Variants in ZKSCAN2 observed in about 807,000 individuals in gnomAD.
The protein encoded by ZKSCAN2 is zinc finger with KRAB and SCAN domains 2, also known as zinc finger protein with KRAB and SCAN domains 2.
A neutral mutation model predicts 90.5 loss-of-function variants in ZKSCAN2; 38 were observed. That is an observed-to-expected ratio of 0.42 (90% confidence interval 0.32 to 0.55). ZKSCAN2 has a LOEUF of 0.55. ZKSCAN2 is among the 20% of genes least tolerant of loss of function. The pLI is 0.11. For synonymous variants in ZKSCAN2, 429 were observed against 421.6 expected (o/e 1.02, Z -0.22); for missense variants, 1,167 against 1,202.6 (o/e 0.97, Z 0.44).
rs1324244512 is a variant in ZKSCAN2 at position 25,240,174 on chromosome 16, T to C, written c.2546A>G (p.His849Arg). ...CFSQSSSLII[H>R]QRTHTGEKPY... ...CTTCTCACCGGTGTGCGTTCTCTGA[T>C]GTATAATAAGACTAGAGCTCTGACT... Residue 849 changes from histidine (H) to arginine (R), a missense_variant, in exon 7 of 7, where the codon CAT (histidine) becomes CGT (arginine). Transcript: ENST00000328086. 8 of 1,614,150 alleles carry C rather than the reference T, an allele frequency of 5.0e-6. No individual in the cohort carries two copies. Among genetic ancestry groups the C allele is most frequent in the Non-Finnish European group, 5.9e-6 (7 of 1,180,016 alleles).
chr16:25,250,306 C>CA (rs199752641), intron 4 of ZKSCAN2, among the ~76,000 whole-genome samples: 42 of 141,046 alleles, frequency 3.0e-4, no homozygotes, highest in Admixed American at 4.3e-4. Flanking sequence ...AACTCTGTCT[C>CA]AAAAAAAAAA....
intron 6 of ZKSCAN2, among the ~76,000 whole-genome samples, chr16:25,243,333 A>T (rs1962882019): frequency 6.6e-6 from 1 of 152,050 alleles, no homozygotes; most frequent in East Asian, 1.9e-4. Context: ...GAGAACAGGA[A>T]CTTTGTTTTT....
At position 25,247,147 on chromosome 16, in the gene ZKSCAN2, G is replaced by A. The variant is rs1962946219; in HGVS notation, c.1049C>T (p.Thr350Ile). 2.5e-6 allele frequency: 4 copies of A among 1,614,190 alleles called. No individual in the cohort carries two copies. Among genetic ancestry groups the A allele is most frequent in the Non-Finnish European group, 3.4e-6 (4 of 1,180,026 alleles). The change falls in exon 5 of 7, where the codon ACT (threonine) becomes ATT (isoleucine). Residue 350 changes from threonine to isoleucine, a missense_variant. Coordinates refer to ENST00000328086, the MANE Select transcript of ZKSCAN2 (RefSeq NM_001012981.5). ...AGACTCTTTGAGAATTGCCAGGAAAGTCTTTGTTTCCTCATAGCTCCAATG... is the reference window on the plus strand; with the variant it reads ...AGACTCTTTGAGAATTGCCAGGAAAATCTTTGTTTCCTCATAGCTCCAATG... ...GVHWSYEETK[T>I]FLAILKESRF... is the part of the protein sequence containing the mutation.
intron 2 of ZKSCAN2, among the ~76,000 whole-genome samples, chr16:25,253,746 G>A (rs994610141): frequency 2.0e-5 from 3 of 152,190 alleles, no homozygotes; most frequent in African/African-American, 4.8e-5. Flanking sequence ...GGTGGCTCAC[G>A]CCTGTAATCC....
At chr16:25,242,474 G>A (rs189422997) in intron 6 of ZKSCAN2, among the ~76,000 whole-genome samples, 25 of 152,270 alleles carry the variant, frequency 1.6e-4, no homozygotes, top group African/African-American at 5.8e-4. Flanking sequence ...CTAGTGTTAT[G>A]GGAAGACGGA....
Position 25,257,499 on chromosome 16 carries a change from T to C in ZKSCAN2, c.-372A>G, listed in dbSNP as rs2141374023. ...GACAGCCGGGCCGGGAGGGGGTGTG[T>C]CCGCTACTCCCGGGTCGGGCGCGGA... is the stretch of plus-strand genomic sequence containing the variant. On this transcript the variant is annotated 5_prime_UTR_variant, in exon 1 of 7. Coordinates refer to ENST00000328086, the MANE Select transcript of ZKSCAN2 (RefSeq NM_001012981.5). 1.0e-6 allele frequency: 1 copy of C among 998,736 alleles called. No homozygotes were observed. Among genetic ancestry groups the C allele is most frequent in the South Asian group, 4.6e-5 (1 of 21,660 alleles). The allele number at this position is 998,736 out of a possible 1,614,324, so 61.9% of individuals were successfully genotyped here. A position where few individuals can be genotyped will look rare whatever the true frequency, so the allele number is the denominator to read the frequency against.
At chr16:25,254,042 G>A (rs565328702) in intron 2 of ZKSCAN2, among the ~76,000 whole-genome samples, 15 of 152,124 alleles carry the variant, frequency 9.9e-5, no homozygotes, top group Non-Finnish European at 1.9e-4. Flanking sequence ...AAAGATGAGA[G>A]AATGGAAAGC....
chr16:25,248,825 A>T (rs1962976111), intron 4 of ZKSCAN2, among the ~76,000 whole-genome samples: 1 of 152,230 alleles, frequency 6.6e-6, no homozygotes, highest in Non-Finnish European at 1.5e-5. Context: ...TAAAATCAGT[A>T]GGCCAAAGAG....
In ZKSCAN2 at chr16:25,256,765, C is replaced by T; in HGVS notation, c.363G>A (p.Val121=). The stretch of plus-strand genomic sequence containing the variant: ...GTCTTCCAGTCTCTTTCTCCAAATG[C>T]ACTACCAGGGCCACCGCTTCCTCTC... ...QSGEEAVALV[V]HLEKETGRLR... is the part of the protein sequence containing the mutation. The change falls in exon 1 of 7, where the codon GTG becomes GTA. Residue 121 remains valine, a synonymous_variant. Transcript: ENST00000328086. 1 of 1,613,810 alleles carries T rather than the reference C, an allele frequency of 6.2e-7. No individual in the cohort carries two copies. The highest frequency in any genetic ancestry group is 1.1e-5 in the South Asian group (1 of 91,024).
At chr16:25,254,681 G>A (rs1045761596) in intron 2 of ZKSCAN2, among the ~76,000 whole-genome samples, 14 of 152,038 alleles carry the variant, frequency 9.2e-5, no homozygotes, top group Non-Finnish European at 2.1e-4. Context: ...CGCCTGCCTC[G>A]GCCTCCCAAA....
intron 5 of ZKSCAN2, 130 bp from the exon 6 acceptor site, chr16:25,244,406 T>A: frequency 1.1e-6 from 1 of 925,164 alleles, no homozygotes; most frequent in Non-Finnish European, 1.6e-6. Context: ...TACATATGCC[T>A]AGGAATAAGC....
intron 2 of ZKSCAN2, 73 bp downstream of exon 2, chr16:25,255,133 T>A: frequency 6.8e-7 from 1 of 1,479,758 alleles, no homozygotes; most frequent in Non-Finnish European, 9.0e-7. Context: ...CCACTGCACA[T>A]TCACAGCGTT....
chr16:25,239,792 G>A lies in ZKSCAN2; in HGVS notation c.*24C>T. 2 of 1,542,018 alleles carry A rather than the reference G, an allele frequency of 1.3e-6. No homozygotes were observed. The highest frequency in any genetic ancestry group is 1.7e-6 in the Non-Finnish European group (2 of 1,143,872). The stretch of plus-strand genomic sequence containing the variant: ...AGATTAGGGTAAAATGGCTAAGGGG[G>A]CATTTAGGAAGAGAAGATCATCATC... On this transcript the variant is annotated 3_prime_UTR_variant, in exon 7 of 7. Transcript: ENST00000328086.
Position 25,257,307 on chromosome 16 carries a change from G to A in ZKSCAN2, c.-180C>T. The stretch of plus-strand genomic sequence containing the variant: ...AAATCTATGCCAGGCCCTTGAAAAG[G>A]TGAACGTATACTCTAAGATGCAAAA... On this transcript the variant is annotated 5_prime_UTR_variant, in exon 1 of 7. Coordinates refer to ENST00000328086, the MANE Select transcript of ZKSCAN2 (RefSeq NM_001012981.5). 11 of 1,412,474 alleles carry A rather than the reference G, an allele frequency of 7.8e-6. No homozygotes were observed. Among genetic ancestry groups the A allele is most frequent in the East Asian group, 2.5e-5 (1 of 39,222 alleles). The allele number at this position is 1,412,474 out of a possible 1,614,324, so 87.5% of individuals were successfully genotyped here. A position where few individuals can be genotyped will look rare whatever the true frequency, so the allele number is the denominator to read the frequency against.
At chr16:25,253,389 C>G (rs1963049465) in intron 2 of ZKSCAN2, among the ~76,000 whole-genome samples, 1 of 152,046 alleles carries the variant, frequency 6.6e-6, no homozygotes, top group South Asian at 2.1e-4. Flanking sequence ...TTCCCTACCC[C>G]CTTTCCCTTC....
intron 6 of ZKSCAN2, 26 bp downstream of exon 6, chr16:25,243,759 T>C (rs76201107): frequency 1.9e-5 from 30 of 1,558,534 alleles, no homozygotes; most frequent in Middle Eastern, 1.7e-4. Flanking sequence ...TCTTTTGGAC[T>C]AAAACTCCTT....
rs1962804229 is a variant in ZKSCAN2 at position 25,238,739 on chromosome 16, T to G, written c.*1077A>C. 1 of 152,192 alleles carries G rather than the reference T, an allele frequency of 6.6e-6. No homozygotes were observed. Among genetic ancestry groups the G allele is most frequent in the Non-Finnish European group, 1.5e-5 (1 of 68,052 alleles). The allele number at this position is 152,192 out of a possible 1,614,324, so 9.4% of individuals were successfully genotyped here. A position where few individuals can be genotyped will look rare whatever the true frequency, so the allele number is the denominator to read the frequency against. Reference sequence around the variant, plus strand: ...GCTGGTCTAAGCTGAGGTGGCTATCTGATCGACAGCAGGCCAAAGGAGTCC... The same window carrying G: ...GCTGGTCTAAGCTGAGGTGGCTATCGGATCGACAGCAGGCCAAAGGAGTCC... On this transcript the variant is annotated 3_prime_UTR_variant, in exon 7 of 7. Coordinates refer to ENST00000328086, the MANE Select transcript of ZKSCAN2 (RefSeq NM_001012981.5).
At position 25,243,838 on chromosome 16, in the gene ZKSCAN2, A is replaced by G. The variant is rs1425283583; in HGVS notation, c.1928T>C (p.Ile643Thr). ...SCSERMSEEE[I>T]VQEPEFQGPP... is the part of the protein sequence containing the mutation. ...TCCCTGGAACTCTGGCTCTTGCACAATTTCCTCCTCGCTCATTCTCTCACT... is the reference window on the plus strand; with the variant it reads ...TCCCTGGAACTCTGGCTCTTGCACAGTTTCCTCCTCGCTCATTCTCTCACT... Residue 643 changes from isoleucine to threonine, a missense_variant, in exon 6 of 7, where the codon ATT becomes ACT. Physicochemically the swap from Ile to Thr is moderately conservative, Grantham distance 89. Transcript: ENST00000328086. 1.2e-6 allele frequency: 2 copies of G among 1,613,762 alleles called. No homozygotes were observed. The highest frequency in any genetic ancestry group is 2.7e-5 in the African/African-American group (2 of 74,766).
At position 25,257,113 on chromosome 16, in the gene ZKSCAN2, G is replaced by A. The variant is rs1411476965; in HGVS notation, c.15C>T (p.Leu5=). Residue 5 remains leucine, a synonymous_variant, in exon 1 of 7, where the codon CTC becomes CTT. Transcript: ENST00000328086. ...CCAGGGGCGCGTCGATCTGAGAGTC[G>A]AGGGCGACAGCCATGCTGCAGCCCA... MAVA[L]DSQIDAPLEV... The A allele has an allele frequency of 6.2e-7, 1 of 1,602,608 alleles. No homozygotes were observed. Among genetic ancestry groups the A allele is most frequent in the African/African-American group, 1.3e-5 (1 of 74,610 alleles).
Sources: gnomAD v4.1 joint callset for allele counts (sites outside exome capture counted in the v4.1 genomes callset) on GRCh38, gnomAD v4.1.1 for gene constraint, MANE v1.5 for transcripts, NCBI Gene and HGNC (gene_info 2026-07-23, HGNC 2026-07-21) for gene names.